COL5A2: variants seen among roughly 807,000 people sequenced by gnomAD.
The protein encoded by COL5A2 is collagen type V alpha 2 chain.
In COL5A2, 23 loss-of-function variants were observed where a neutral mutation model predicts 208.2. The ratio of observed to expected loss-of-function variants is 0.11; its 90% CI spans 0.08 to 0.16. COL5A2 has a LOEUF of 0.16. COL5A2 is among the 10% of genes least tolerant of loss of function. The pLI is 1.00. For synonymous variants in COL5A2, 625 were observed against 628.5 expected (o/e 0.99, Z 0.08); for missense variants, 1,590 against 1,956.4 (o/e 0.81, Z 3.53).
At position 189,135,575 on chromosome 2, in the gene COL5A2, G is replaced by A. The variant is rs557844429; in HGVS notation, c.98-25126C>T. On this transcript the variant is annotated intron_variant, in intron 1 of 53. Transcript: ENST00000374866. ...GGCAGTTTATCATTCATAATCCGTA[G>A]GCTAATGTCTTTCAATTGTTTTGGC... Among the ~76,000 whole-genome samples the A allele has an allele frequency of 2.0e-5, 3 of 152,134 alleles. No individual in the cohort carries two copies. The East Asian group carries it at 5.8e-4, about 29-fold the overall frequency.
intron 12 of COL5A2, among the ~76,000 whole-genome samples, chr2:189,082,754 G>T (rs372229878): frequency 2.0e-5 from 3 of 152,260 alleles, no homozygotes; most frequent in African/African-American, 7.2e-5. Context: ...GTGCTGGCAG[G>T]GCACCCTTCC....
At chr2:189,055,280 CACTT>C (rs1180066874) in intron 35 of COL5A2, among the ~76,000 whole-genome samples, 1 of 152,180 alleles carries the variant, frequency 6.6e-6, no homozygotes, top group Non-Finnish European at 1.5e-5. Flanking sequence ...GGAGAGCTAA[CACTT>C]AGAGGACAGT....
intron 1 of COL5A2, among the ~76,000 whole-genome samples, chr2:189,171,734 T>G (rs1688578230): frequency 6.6e-6 from 1 of 152,194 alleles, no homozygotes; most frequent in Non-Finnish European, 1.5e-5. Flanking sequence ...TATCTAAAGT[T>G]CATGTGAAAG....
intron 1 of COL5A2, among the ~76,000 whole-genome samples, chr2:189,132,263 T>C (rs1230836750): frequency 6.6e-6 from 1 of 152,180 alleles, no homozygotes; most frequent in Non-Finnish European, 1.5e-5. Context: ...AATAACAGTA[T>C]CATTTTGGTA....
intron 51 of COL5A2, among the ~76,000 whole-genome samples, chr2:189,038,901 G>C (rs1159426908): frequency 6.6e-6 from 1 of 152,020 alleles, no homozygotes; most frequent in African/African-American, 2.4e-5. Context: ...ATGTTAGCCA[G>C]GATGGTCTTG....
the COL5A2 span, among the ~76,000 whole-genome samples, chr2:189,278,563 T>C: frequency 3.9e-5 from 6 of 152,106 alleles, no homozygotes; most frequent in Non-Finnish European, 8.8e-5. Context: ...AAATCCATTA[T>C]AAAGAGTCTA....
intron 16 of COL5A2, 91 bp from the exon 17 acceptor site, chr2:189,075,528 A>C: frequency 1.1e-6 from 1 of 937,556 alleles, no homozygotes; most frequent in South Asian, 1.4e-5. Context: ...TCCATATTGC[A>C]AATTGAAGAA....
the COL5A2 span, among the ~76,000 whole-genome samples, chr2:189,398,175 T>C: frequency 1.3e-5 from 2 of 152,156 alleles, no homozygotes; most frequent in African/African-American, 2.4e-5. Context: ...CAATCTGATG[T>C]TCATCTGCTT....
chr2:189,167,851 A>G (rs1475979797), intron 1 of COL5A2, among the ~76,000 whole-genome samples: 1 of 151,976 alleles, frequency 6.6e-6, no homozygotes, highest in Non-Finnish European at 1.5e-5. Flanking sequence ...ACACTGTAGC[A>G]CCTTAAAGGC....
chr2:189,095,379 C>T (rs1686885525), intron 6 of COL5A2, among the ~76,000 whole-genome samples: 1 of 152,080 alleles, frequency 6.6e-6, no homozygotes, highest in Non-Finnish European at 1.5e-5. Flanking sequence ...ACCATCACAC[C>T]AGTTCTTTGC....
chr2:189,036,876 A>T, intron 51 of COL5A2, 73 bp from the exon 52 acceptor site: 1 of 1,205,446 alleles, frequency 8.3e-7, no homozygotes, highest in Non-Finnish European at 1.2e-6. Flanking sequence ...AAAAGAATTA[A>T]CAGAGGGTTT....
the COL5A2 span, among the ~76,000 whole-genome samples, chr2:189,269,495 T>A: frequency 1.3e-5 from 2 of 152,156 alleles, no homozygotes; most frequent in Non-Finnish European, 2.9e-5. Context: ...ATTGAGATAA[T>A]CATGTGGTTT....
At chr2:189,091,696 C>T (rs1052989313) in intron 7 of COL5A2, among the ~76,000 whole-genome samples, 1 of 152,092 alleles carries the variant, frequency 6.6e-6, no homozygotes, top group African/African-American at 2.4e-5. Flanking sequence ...CACTTTACTG[C>T]AGTATTTCAC....
At chr2:189,169,527 C>G (rs1688532278) in intron 1 of COL5A2, among the ~76,000 whole-genome samples, 1 of 152,064 alleles carries the variant, frequency 6.6e-6, no homozygotes, top group Non-Finnish European at 1.5e-5. Flanking sequence ...TATTAACACA[C>G]AGATAAAATC....
chr2:189,201,786 A>G (rs181270771), intron 1 of COL5A2, among the ~76,000 whole-genome samples: 2 of 152,094 alleles, frequency 1.3e-5, no homozygotes, highest in East Asian at 3.9e-4. Flanking sequence ...CAACAACAAT[A>G]AAAATCAGAA....
intron 1 of COL5A2, among the ~76,000 whole-genome samples, chr2:189,144,778 G>A (rs1450889173): frequency 6.6e-6 from 1 of 152,012 alleles, no homozygotes; most frequent in African/African-American, 2.4e-5. Flanking sequence ...GCACAGTTGG[G>A]GCACTAAGCA....
the COL5A2 span, among the ~76,000 whole-genome samples, chr2:189,257,349 AT>A: frequency 1.3e-5 from 2 of 152,208 alleles, no homozygotes; most frequent in East Asian, 3.8e-4. Flanking sequence ...TGCCTAAACA[AT>A]TTGTGAGGTT....
intron 1 of COL5A2, among the ~76,000 whole-genome samples, chr2:189,133,672 A>G (rs1687770385): frequency 6.6e-6 from 1 of 152,142 alleles, no homozygotes; most frequent in Non-Finnish European, 1.5e-5. Flanking sequence ...CAAGCCAGTT[A>G]GGTGTTCATT....
chr2:189,183,759 C>G (rs1427158423), upstream of COL5A2, among the ~76,000 whole-genome samples: 2 of 152,138 alleles, frequency 1.3e-5, no homozygotes, highest in African/African-American at 2.4e-5. Flanking sequence ...CAGTTACCTA[C>G]AAAATATAAT....
Sources: allele counts gnomAD v4.1 joint callset (sites outside exome capture counted in the v4.1 genomes callset), GRCh38; gene constraint gnomAD v4.1.1; transcripts MANE v1.5; gene names NCBI Gene and HGNC (gene_info 2026-07-23, HGNC 2026-07-21).